The following GRID2 variants were observed in gnomAD, a reference collection of about 807,000 sequenced individuals.
GRID2 encodes glutamate ionotropic receptor delta type subunit 2.
In GRID2, 33 loss-of-function variants were observed where a neutral mutation model predicts 114.8. That is an observed-to-expected ratio of 0.29 (90% CI 0.22 to 0.38). GRID2 has a LOEUF of 0.38. Among genes scored for constraint, GRID2 ranks in the 10% least tolerant of loss-of-function variants. GRID2 has a pLI of 1.00. For missense variants in GRID2, 1,184 were observed against 1,257.7 expected (o/e 0.94, Z 0.89); for synonymous variants, 505 against 449.9 (o/e 1.12, Z -1.55).
intron 2 of GRID2, among the ~76,000 whole-genome samples, chr4:92,989,300 A>AAAAAAAAAAAAAAAAT (rs1553962743): frequency 1.1e-5 from 1 of 92,280 alleles, no homozygotes; most frequent in African/African-American, 4.4e-5. Flanking sequence ...AAAAAAAAAA[A>AAAAAAAAAAAAAAAAT]AATAATAATA....
rs1232418704 is a variant in GRID2 at position 92,574,145 on chromosome 4, T to C, written c.89-15986T>C. 3.3e-5 allele frequency among the ~76,000 whole-genome samples: 5 copies of C among 152,094 alleles called. 1 individual carries two copies. Among genetic ancestry groups the C allele is most frequent in the South Asian group, 4.1e-4 (2 of 4,826 alleles). On this transcript the variant is annotated intron_variant, in intron 1 of 15. Coordinates refer to ENST00000282020, the MANE Select transcript of GRID2 (RefSeq NM_001510.4). ...TGCAACCCCTGCTATTTTCCTGTTT[T>C]CCATTTCCTGGGTAAATTTTCCTCC... is the stretch of plus-strand genomic sequence containing the variant.
intron 2 of GRID2, among the ~76,000 whole-genome samples, chr4:92,931,728 T>G (rs1355965056): frequency 6.6e-6 from 1 of 151,018 alleles, no homozygotes; most frequent in East Asian, 1.9e-4. Flanking sequence ...TGATTATTTT[T>G]TATAATGCTA....
intron 1 of GRID2, among the ~76,000 whole-genome samples, chr4:92,399,494 T>C (rs1358804338): frequency 2.6e-5 from 4 of 152,184 alleles, no homozygotes; most frequent in Non-Finnish European, 4.4e-5. Context: ...TACTTGGGGT[T>C]AGATTATACT....
chr4:92,384,556 TATATA>T lies in GRID2; in HGVS notation c.88+79813_88+79817del, dbSNP rs1335216159. On this transcript the variant is annotated intron_variant, in intron 1 of 15. Transcript: ENST00000282020. ...ATATAATATAATATATAATATATATTATATATAATATAATATATAAAATATATTAT... is the reference window on the plus strand; with the variant it reads ...ATATAATATAATATATAATATATATTTAATATAATATATAAAATATATTAT... Among the ~76,000 whole-genome samples the T allele has an allele frequency of 3.2e-4, 25 of 77,560 alleles. No individual in the cohort carries two copies. The South Asian group carries it at 5.9e-3, about 18-fold the overall frequency. 50.9% of individuals were successfully genotyped at this position (77,560 alleles called of 152,430 possible). A position where few individuals can be genotyped will look rare whatever the true frequency, so the allele number is the denominator to read the frequency against.
chr4:92,383,492 C>A (rs188459102), intron 1 of GRID2, among the ~76,000 whole-genome samples: 2 of 151,892 alleles, frequency 1.3e-5, no homozygotes, highest in Non-Finnish European at 2.9e-5. Context: ...GCCAGTACAG[C>A]CTTTTGTCTT....
chr4:92,453,573 A>G (rs1347591808), intron 1 of GRID2, among the ~76,000 whole-genome samples: 2 of 152,216 alleles, frequency 1.3e-5, no homozygotes, highest in Admixed American at 6.5e-5. Context: ...TTATGCATAT[A>G]AAGTTATTTG....
chr4:92,321,275 A>G (rs1181863133), intron 1 of GRID2, among the ~76,000 whole-genome samples: 2 of 152,122 alleles, frequency 1.3e-5, no homozygotes, highest in Admixed American at 6.6e-5. Flanking sequence ...CTCCACCTTC[A>G]TTGTTAAGGA....
chr4:92,785,645 A>C (rs1421857763), intron 2 of GRID2, among the ~76,000 whole-genome samples: 1 of 151,774 alleles, frequency 6.6e-6, no homozygotes, highest in Admixed American at 6.6e-5. Context: ...AAGTCACAAA[A>C]GAGATATTCC....
intron 1 of GRID2, among the ~76,000 whole-genome samples, chr4:92,326,908 TTCTTTTTTCCTCA>T (rs1399623041): frequency 7.2e-5 from 11 of 151,960 alleles, no homozygotes; most frequent in Non-Finnish European, 1.0e-4. Flanking sequence ...TCCTCTGCAC[TTCTTTTTTCCTCA>T]GGTAGTCCCC....
chr4:93,135,016 G>T (rs1019126199), intron 4 of GRID2, among the ~76,000 whole-genome samples: 5 of 152,074 alleles, frequency 3.3e-5, no homozygotes, highest in African/African-American at 4.8e-5. Context: ...TAAAGTGGGG[G>T]TTTACTGTGC....
intron 2 of GRID2, among the ~76,000 whole-genome samples, chr4:93,040,134 G>C (rs1475340692): frequency 1.3e-5 from 2 of 152,056 alleles, no homozygotes; most frequent in Admixed American, 6.6e-5. Context: ...AGGAAGATGT[G>C]TATAGGATAG....
chr4:92,355,199 A>T lies in GRID2; in HGVS notation c.88+50455A>T, dbSNP rs1223736757. ...CTTTAAGTTGGAGATGTTTTCAGCCATGGCCACATTACGTATGTAGTTTCT... is the reference window on the plus strand; with the variant it reads ...CTTTAAGTTGGAGATGTTTTCAGCCTTGGCCACATTACGTATGTAGTTTCT... On this transcript the variant is annotated intron_variant, in intron 1 of 15. Transcript: ENST00000282020. 2.0e-5 allele frequency among the ~76,000 whole-genome samples: 3 copies of T among 152,006 alleles called. No homozygotes were observed. The East Asian group carries it at 5.8e-4, about 30-fold the overall frequency.
intron 2 of GRID2, among the ~76,000 whole-genome samples, chr4:92,747,447 T>C (rs1346994300): frequency 6.6e-6 from 1 of 152,104 alleles, no homozygotes; most frequent in Non-Finnish European, 1.5e-5. Flanking sequence ...AGATGCATTA[T>C]TCAGCGTATG....
chr4:92,353,249 A>T (rs936351419), intron 1 of GRID2, among the ~76,000 whole-genome samples: 3 of 150,508 alleles, frequency 2.0e-5, no homozygotes, highest in African/African-American at 7.3e-5. Context: ...TTATTGCTTT[A>T]TCAATTTTTT....
intron 14 of GRID2, among the ~76,000 whole-genome samples, chr4:93,678,394 A>G (rs1473704210): frequency 6.6e-6 from 1 of 152,218 alleles, no homozygotes; most frequent in African/African-American, 2.4e-5. Context: ...CTAGCAAGGC[A>G]GGCCAACATT....
At position 93,385,141 on chromosome 4, in the gene GRID2, G is replaced by T. The variant is rs35236050; in HGVS notation, c.1246-10466G>T. ...CCCAAGAACTCCATGCACATTTTCAGCAAGAGCAAGGCATCTGATAGCAAG... is the reference window on the plus strand; with the variant it reads ...CCCAAGAACTCCATGCACATTTTCATCAAGAGCAAGGCATCTGATAGCAAG... On this transcript the variant is annotated intron_variant, in intron 8 of 15. Coordinates refer to ENST00000282020, the MANE Select transcript of GRID2 (RefSeq NM_001510.4). Among the ~76,000 whole-genome samples the T allele has an allele frequency of 3.3e-3, 498 of 152,292 alleles. 1 individual carries two copies. The highest frequency in any genetic ancestry group is 6.2e-3 in the Non-Finnish European group (420 of 68,018).
Position 92,609,534 on chromosome 4 carries a change from T to C in GRID2, c.244+19248T>C, listed in dbSNP as rs548363106. On this transcript the variant is annotated intron_variant, in intron 2 of 15. Coordinates refer to ENST00000282020, the MANE Select transcript of GRID2 (RefSeq NM_001510.4). ...AAATCGCTTTTTGAGAAGATGACTT[T>C]TGAGCAGAGACCTGAATGATGAAAG... Among the ~76,000 whole-genome samples the C allele has an allele frequency of 6.6e-5, 10 of 151,524 alleles. No homozygotes were observed. In the South Asian group the frequency reaches 1.9e-3, roughly 28 times the overall value.
intron 2 of GRID2, among the ~76,000 whole-genome samples, chr4:92,914,251 T>A (rs1374409250): frequency 6.6e-6 from 1 of 152,102 alleles, no homozygotes; most frequent in East Asian, 1.9e-4. Flanking sequence ...TGCATGGACA[T>A]TTTTACTCAA....
intron 2 of GRID2, among the ~76,000 whole-genome samples, chr4:92,912,248 TATA>T (rs1463994873): frequency 1.3e-5 from 2 of 151,802 alleles, no homozygotes; most frequent in Non-Finnish European, 2.9e-5. Context: ...AAGAGAAGGG[TATA>T]CTACACATGA....
Sources: allele counts gnomAD v4.1 joint callset (sites outside exome capture counted in the v4.1 genomes callset), GRCh38; gene constraint gnomAD v4.1.1; transcripts MANE v1.5; gene names NCBI Gene and HGNC (gene_info 2026-07-23, HGNC 2026-07-21).